TENM4: variants seen among roughly 807,000 people sequenced by gnomAD.
TENM4 encodes the protein teneurin transmembrane protein 4.
TENM4 carries 82 observed loss-of-function variants against 243.3 expected under a neutral mutation model. The observed-to-expected ratio is 0.34, with a 90% CI of 0.28 to 0.40. The LOEUF is 0.40. Ranked by LOEUF, TENM4 falls within the 10% of genes least tolerant of loss-of-function variation. The probability of loss-of-function intolerance (pLI) is 1.00; values close to 1 mark genes in which losing one functional copy is unlikely to be tolerated. For synonymous variants in TENM4, 1,412 were observed against 1,456.3 expected (o/e 0.97, Z 0.69); for missense variants, 3,138 against 3,673.3 (o/e 0.85, Z 3.77).
At chr11:79,348,518 T>C (rs1857365944) in intron 1 of TENM4, among the ~76,000 whole-genome samples, 1 of 152,226 alleles carries the variant, frequency 6.6e-6, no homozygotes, top group African/African-American at 2.4e-5. Flanking sequence ...AAATTCATTG[T>C]TGAATTAACC....
intron 20 of TENM4, among the ~76,000 whole-genome samples, chr11:78,738,176 A>G (rs1855842293): frequency 6.6e-6 from 1 of 152,206 alleles, no homozygotes; most frequent in Admixed American, 6.5e-5. Flanking sequence ...TGACTGTTTT[A>G]TATCATAAGT....
chr11:78,763,151 T>C (rs1434085357), intron 18 of TENM4, among the ~76,000 whole-genome samples: 1 of 152,248 alleles, frequency 6.6e-6, no homozygotes, highest in Non-Finnish European at 1.5e-5. Flanking sequence ...TTTGCTTCTA[T>C]GTCCTTCAAA....
At chr11:78,740,371 T>TCCTCACC (rs1855893306) in intron 19 of TENM4, among the ~76,000 whole-genome samples, 1 of 71,444 alleles carries the variant, frequency 1.4e-5, no homozygotes, top group Admixed American at 1.7e-4. Flanking sequence ...CACCCCACCC[T>TCCTCACC]CCTCACCTCA....
chr11:79,334,142 C>G (rs1331707808), intron 1 of TENM4, among the ~76,000 whole-genome samples: 1 of 152,162 alleles, frequency 6.6e-6, no homozygotes, highest in Non-Finnish European at 1.5e-5. Context: ...AGAGCCCCAA[C>G]AAAAACAAGC....
At chr11:79,348,001 G>A (rs930952554) in intron 1 of TENM4, among the ~76,000 whole-genome samples, 2 of 151,410 alleles carry the variant, frequency 1.3e-5, no homozygotes, top group African/African-American at 4.9e-5. Flanking sequence ...GGATGGTCTC[G>A]ATCTCCGGAC....
At chr11:79,048,869 A>G (rs1300453781) in intron 6 of TENM4, among the ~76,000 whole-genome samples, 1 of 152,164 alleles carries the variant, frequency 6.6e-6, no homozygotes, top group African/African-American at 2.4e-5. Flanking sequence ...TCTGGTGGGC[A>G]TTCTTCTGTC....
intron 4 of TENM4, among the ~76,000 whole-genome samples, chr11:79,111,231 G>A (rs1017845178): frequency 6.6e-6 from 1 of 152,166 alleles, no homozygotes; most frequent in African/African-American, 2.4e-5. Context: ...CCCCAGCCAT[G>A]TAAAACTGTG....
rs1196443090 is a variant in TENM4 at position 79,166,321 on chromosome 11, G to C, written c.-162-17515C>G. Among the ~76,000 whole-genome samples the C allele has an allele frequency of 3.3e-5, 5 of 152,336 alleles. No homozygotes were observed. In the South Asian group the frequency reaches 8.3e-4, roughly 25 times the overall value. ...CTGGCTCCATTTCTGGAAATGCCAA[G>C]GGCATAGAGCATGTTCTCTTTTTAA... On this transcript the variant is annotated intron_variant, in intron 3 of 33. Coordinates refer to ENST00000278550, the MANE Select transcript of TENM4 (RefSeq NM_001098816.3).
chr11:78,982,674 C>G (rs750382167), intron 6 of TENM4, among the ~76,000 whole-genome samples: 1 of 152,210 alleles, frequency 6.6e-6, no homozygotes, highest in Non-Finnish European at 1.5e-5. Flanking sequence ...AACAATCCAG[C>G]CAGGCCTGTA....
intron 15 of TENM4, among the ~76,000 whole-genome samples, chr11:78,801,812 G>A (rs1445918014): frequency 6.6e-6 from 1 of 152,148 alleles, no homozygotes; most frequent in Non-Finnish European, 1.5e-5. Flanking sequence ...CTGATGGGAG[G>A]GACTGGGCAG....
At position 79,440,844 on chromosome 11, in the gene TENM4, T is replaced by TGCGC. The variant is rs200744918; in HGVS notation, c.-660_-657dup. The TGCGC allele has an allele frequency of 2.8e-3, 396 of 141,150 alleles. 2 individuals are homozygous for TGCGC. The highest frequency in any genetic ancestry group is 0.014 in the Middle Eastern group (4 of 296). 8.7% of individuals were successfully genotyped at this position (141,150 alleles called of 1,614,324 possible). A position where few individuals can be genotyped will look rare whatever the true frequency, so the allele number is the denominator to read the frequency against. On this transcript the variant is annotated 5_prime_UTR_variant, in exon 1 of 34. Coordinates refer to ENST00000278550, the MANE Select transcript of TENM4 (RefSeq NM_001098816.3). The surrounding 1 kb of genome is among the most constrained non-coding windows in gnomAD (Gnocchi z 4.7). ...CTTCTGGGGGGTTGGGGCGGGTGTG[T>TGCGC]GCGCGCGCGTGTGTGAGTGTGTGTG... is the stretch of plus-strand genomic sequence containing the variant.
intron 5 of TENM4, among the ~76,000 whole-genome samples, chr11:79,065,671 C>T (rs1277459835): frequency 2.0e-5 from 3 of 152,112 alleles, no homozygotes; most frequent in Admixed American, 2.0e-4. Context: ...GTCAGCCTCA[C>T]ACCAGGAAAA....
chr11:79,259,916 T>G (rs1001793294), intron 2 of TENM4, among the ~76,000 whole-genome samples: 36 of 152,212 alleles, frequency 2.4e-4, no homozygotes, highest in African/African-American at 8.0e-4. Flanking sequence ...CTGAGCATCT[T>G]ATTATGGCCA....
At chr11:78,677,831 G>C (rs1432839245) in intron 29 of TENM4, among the ~76,000 whole-genome samples, 1 of 144,904 alleles carries the variant, frequency 6.9e-6, no homozygotes, top group Non-Finnish European at 1.5e-5. Context: ...GTGCAGGTTA[G>C]TTACATATGT....
intron 12 of TENM4, among the ~76,000 whole-genome samples, chr11:78,825,911 T>C (rs1415388957): frequency 1.3e-5 from 2 of 152,092 alleles, no homozygotes; most frequent in Non-Finnish European, 2.9e-5. Context: ...CTAATGAGCA[T>C]CACTTTGTGT....
chr11:78,923,798 C>T (rs1205442922), intron 6 of TENM4, among the ~76,000 whole-genome samples: 2 of 147,590 alleles, frequency 1.4e-5, no homozygotes, highest in Admixed American at 6.8e-5. Context: ...CCTCAGCCTC[C>T]GAAAGTGCTA....
intron 18 of TENM4, among the ~76,000 whole-genome samples, chr11:78,761,139 TTTCCTACGTG>T (rs1208384340): frequency 6.6e-6 from 1 of 152,238 alleles, no homozygotes; most frequent in Non-Finnish European, 1.5e-5. Flanking sequence ...TGGTCAATCA[TTTCCTACGTG>T]TTCTATGATT....
At chr11:79,028,536 G>T (rs763856397) in intron 6 of TENM4, among the ~76,000 whole-genome samples, 1 of 152,218 alleles carries the variant, frequency 6.6e-6, no homozygotes, top group Non-Finnish European at 1.5e-5. Flanking sequence ...GGGTCAAGAA[G>T]GTTGGGTCTT....
Position 79,323,341 on chromosome 11 carries a change from CT to C in TENM4, c.-320-25799del, listed in dbSNP as rs1026759109. The stretch of plus-strand genomic sequence containing the variant: ...GTGAACCAAACTTCTAATAATCTAC[CT>C]GCTCTTCTTTCTACTACAGCATGAT... On this transcript the variant is annotated intron_variant, in intron 1 of 33. Coordinates refer to ENST00000278550, the MANE Select transcript of TENM4 (RefSeq NM_001098816.3). Among the ~76,000 whole-genome samples, 14 of 152,308 alleles carry C rather than the reference CT, an allele frequency of 9.2e-5. No individual in the cohort carries two copies. In the East Asian group the frequency reaches 2.5e-3, roughly 27 times the overall value.
Sources: allele counts gnomAD v4.1 joint callset (sites outside exome capture counted in the v4.1 genomes callset), GRCh38; gene constraint gnomAD v4.1.1; non-coding constraint Gnocchi (gnomAD v3.1); transcripts MANE v1.5; gene names NCBI Gene and HGNC (gene_info 2026-07-23, HGNC 2026-07-21).